Variants in RALGAPA1 observed in about 807,000 individuals in gnomAD.
RALGAPA1 encodes the protein Ral GTPase activating protein catalytic subunit alpha 1, also known as ral GTPase-activating protein subunit alpha-1.
RALGAPA1 carries 52 observed loss-of-function variants against 269.6 expected under a neutral mutation model. That is an observed-to-expected ratio of 0.19 (90% confidence interval 0.15 to 0.24). The LOEUF (loss-of-function observed/expected upper bound fraction) is 0.24. Among genes scored for constraint, RALGAPA1 ranks in the 10% least tolerant of loss-of-function variants. The probability of loss-of-function intolerance (pLI) is 1.00; values close to 1 mark genes in which losing one functional copy is unlikely to be tolerated. For missense variants in RALGAPA1, 1,917 were observed against 3,013.9 expected, an observed-to-expected ratio of 0.64 and a Z score of 8.52; for synonymous variants, 817 against 1,008.3, an observed-to-expected ratio of 0.81 and a Z score of 3.60.
At chr14:35,704,966 T>C (rs2067671732) in intron 16 of RALGAPA1, among the ~76,000 whole-genome samples, 1 of 152,164 alleles carries the variant, frequency 6.6e-6, no homozygotes. Context: ...TTCAAATGTC[T>C]AAATTATTTT....
At chr14:35,722,589 G>A (rs1294998974) in intron 15 of RALGAPA1, among the ~76,000 whole-genome samples, 1 of 150,192 alleles carries the variant, frequency 6.7e-6, no homozygotes, top group Non-Finnish European at 1.5e-5. Context: ...TCTAGCCTAG[G>A]AAACAGAGTG....
At chr14:35,618,219 A>G (rs1457322700) in intron 35 of RALGAPA1, among the ~76,000 whole-genome samples, 3 of 152,196 alleles carry the variant, frequency 2.0e-5, no homozygotes, top group African/African-American at 4.8e-5. Context: ...ATAGTGGACT[A>G]TAACCGAACT....
chr14:35,641,510 T>C (rs2062029015), intron 31 of RALGAPA1, among the ~76,000 whole-genome samples: 1 of 152,116 alleles, frequency 6.6e-6, no homozygotes, highest in Non-Finnish European at 1.5e-5. Context: ...TAGCTACAAA[T>C]GAAATTAAAT....
chr14:35,700,082 T>C, intron 17 of RALGAPA1, 80 bp downstream of exon 17: 1 of 1,299,672 alleles, frequency 7.7e-7, no homozygotes, highest in East Asian at 2.6e-5. Flanking sequence ...TTTAAAGAGT[T>C]TATTTGATTA....
In RALGAPA1 at chr14:35,700,287, G is replaced by A; in HGVS notation, c.2282C>T (p.Ser761Phe). 5.2e-6 allele frequency: 8 copies of A among 1,525,538 alleles called. No individual in the cohort carries two copies. The highest frequency in any genetic ancestry group is 7.0e-6 in the Non-Finnish European group (8 of 1,143,182). 94.5% of individuals were successfully genotyped at this position (1,525,538 alleles called of 1,614,324 possible). ...CGATGGCAGAGCACATTCACCAATG[G>A]ATCGGCTTCTCATGGCTTTAAAAAA... is the stretch of plus-strand genomic sequence containing the variant. ...RQKTVAMRSR[S>F]IGECALPSAY... Residue 761 changes from serine (S) to phenylalanine (F), a missense_variant, in exon 17 of 42, where the codon TCC becomes TTC. Ser to Phe is a radical substitution (Grantham distance 155). Coordinates refer to ENST00000680220, the MANE Select transcript of RALGAPA1 (RefSeq NM_001346249.2).
In RALGAPA1 at chr14:35,677,978, G is replaced by A. The variant is rs1360250022; in HGVS notation, c.4596C>T (p.His1532=). 1 of 1,613,470 alleles carries A rather than the reference G, an allele frequency of 6.2e-7. No individual in the cohort carries two copies. Among genetic ancestry groups the A allele is most frequent in the Admixed American group, 1.7e-5 (1 of 59,832 alleles). ...KDLQLDEKLH[H]SVLQTPDDLE... ...GATCATCTGGTGTCTGAAGAACAGA[G>A]TGGTGGAGCTTCTCGTCGAGCTGCA... The change falls in exon 22 of 42, where the codon CAC becomes CAT. Residue 1532 remains histidine, a synonymous_variant. Coordinates refer to ENST00000680220, the MANE Select transcript of RALGAPA1 (RefSeq NM_001346249.2).
At chr14:35,755,448 A>G (rs565123226) in intron 7 of RALGAPA1, among the ~76,000 whole-genome samples, 17 of 152,232 alleles carry the variant, frequency 1.1e-4, no homozygotes, top group Non-Finnish European at 2.4e-4. Flanking sequence ...TCATGGATGT[A>G]TACACATAAT....
chr14:35,543,696 G>T (rs535109722), intron 41 of RALGAPA1, among the ~76,000 whole-genome samples: 2 of 152,322 alleles, frequency 1.3e-5, no homozygotes, highest in South Asian at 4.1e-4. Context: ...AGGCTGGAGT[G>T]CAGTGGCGCG....
chr14:35,684,043 G>T, intron 20 of RALGAPA1, 58 bp from the exon 21 acceptor site: 1 of 1,406,920 alleles, frequency 7.1e-7, no homozygotes. Context: ...AAATATTTAC[G>T]AGAGCTAAAT....
intron 30 of RALGAPA1, among the ~76,000 whole-genome samples, chr14:35,653,549 C>A (rs1295400666): frequency 6.6e-6 from 1 of 152,100 alleles, no homozygotes; most frequent in Admixed American, 6.6e-5. Context: ...GGAATCTGTA[C>A]ATGATTCTTA....
At chr14:35,758,799 G>T (rs989254980) in intron 6 of RALGAPA1, among the ~76,000 whole-genome samples, 4 of 151,850 alleles carry the variant, frequency 2.6e-5, no homozygotes, top group African/African-American at 4.8e-5. Context: ...GAGAGGCAGA[G>T]AAAAAAAATG....
intron 12 of RALGAPA1, among the ~76,000 whole-genome samples, chr14:35,736,486 C>A (rs1045844975): frequency 6.6e-6 from 1 of 152,032 alleles, no homozygotes; most frequent in Non-Finnish European, 1.5e-5. Flanking sequence ...TTCCTGGGCA[C>A]TTCAACATGA....
At chr14:35,697,818 G>A (rs1595188147) in intron 17 of RALGAPA1, among the ~76,000 whole-genome samples, 1 of 152,062 alleles carries the variant, frequency 6.6e-6, no homozygotes, top group South Asian at 2.1e-4. Flanking sequence ...AGGAAAGGAG[G>A]GATTTTGCTA....
intron 37 of RALGAPA1, among the ~76,000 whole-genome samples, chr14:35,582,129 C>A (rs1177892965): frequency 6.6e-6 from 1 of 152,092 alleles, no homozygotes; most frequent in African/African-American, 2.4e-5. Flanking sequence ...CACAAAAGGA[C>A]ACATATTTTA....
intron 1 of RALGAPA1, among the ~76,000 whole-genome samples, chr14:35,781,335 C>T (rs535191278): frequency 6.6e-6 from 1 of 152,108 alleles, no homozygotes; most frequent in African/African-American, 2.4e-5. Context: ...AAACAACCTA[C>T]AATGAATGAG....
chr14:35,597,210 A>G (rs1400296828), intron 36 of RALGAPA1, among the ~76,000 whole-genome samples: 1 of 152,208 alleles, frequency 6.6e-6, no homozygotes, highest in Non-Finnish European at 1.5e-5. Context: ...GGGCATGTGG[A>G]CTTCTAATTT....
chr14:35,691,487 GAACTAT>G (rs1049839592), intron 17 of RALGAPA1, among the ~76,000 whole-genome samples: 2 of 152,260 alleles, frequency 1.3e-5, no homozygotes, highest in Non-Finnish European at 1.5e-5. Flanking sequence ...AAATGCAACA[GAACTAT>G]AACTGAACAA....
intron 31 of RALGAPA1, among the ~76,000 whole-genome samples, chr14:35,645,459 A>G (rs1303086208): frequency 6.6e-6 from 1 of 151,510 alleles, no homozygotes; most frequent in Non-Finnish European, 1.5e-5. Context: ...GGCCGGGCGC[A>G]ATGGCTCACG....
At chr14:35,744,094 G>A (rs544489229) in intron 10 of RALGAPA1, among the ~76,000 whole-genome samples, 51 of 152,116 alleles carry the variant, frequency 3.4e-4, no homozygotes, top group African/African-American at 8.4e-4. Flanking sequence ...AATTGCTGCC[G>A]GGCGCGGTGG....
Sources: gnomAD v4.1 joint callset for allele counts (sites outside exome capture counted in the v4.1 genomes callset) on GRCh38, gnomAD v4.1.1 for gene constraint, MANE v1.5 for transcripts, NCBI Gene and HGNC (gene_info 2026-07-23, HGNC 2026-07-21) for gene names.